Variants in CLPTM1 observed in about 807,000 individuals in gnomAD.
The protein encoded by CLPTM1 is putative lipid scramblase CLPTM1.
A neutral mutation model predicts 77.3 loss-of-function variants in CLPTM1; 21 were observed. The observed-to-expected ratio is 0.27, with a 90% CI of 0.19 to 0.39. The LOEUF (loss-of-function observed/expected upper bound fraction) is 0.39, where lower values mean the gene tolerates loss of function less well. Among genes scored for constraint, CLPTM1 ranks in the 10% least tolerant of loss-of-function variants. The pLI, the probability that CLPTM1 is intolerant of heterozygous loss-of-function variation, is 1.00. For missense variants in CLPTM1, 642 were observed against 921.2 expected (o/e 0.70, Z 3.92); for synonymous variants, 373 against 381.0 (o/e 0.98, Z 0.24).
Position 44,974,610 on chromosome 19 carries a change from C to A in CLPTM1, c.468+13C>A, listed in dbSNP as rs202053969. The A allele has an allele frequency of 1.9e-6, 3 of 1,610,676 alleles. No individual in the cohort carries two copies. Among genetic ancestry groups the A allele is most frequent in the African/African-American group, 2.7e-5 (2 of 74,740 alleles). On this transcript the variant is annotated intron_variant, in intron 4 of 13. Transcript: ENST00000337392. ...CGATATCCCACAGGTGGGGGCAGCT[C>A]TCGGTTTCTGGCCCCATGGCTGCTT...
chr19:44,956,855 A>T (rs1157233954), intron 1 of CLPTM1, among the ~76,000 whole-genome samples: 17 of 152,318 alleles, frequency 1.1e-4, no homozygotes. Context: ...AAATTCTTTA[A>T]TAAATCACAG....
chr19:44,981,858 C>G (rs965879220), intron 5 of CLPTM1, among the ~76,000 whole-genome samples: 14 of 152,114 alleles, frequency 9.2e-5, no homozygotes, highest in Admixed American at 9.2e-4. Context: ...CTGCAGTGAT[C>G]ACACCACTGC....
intron 1 of CLPTM1, among the ~76,000 whole-genome samples, chr19:44,958,124 G>A (rs962285384): frequency 6.6e-6 from 1 of 152,198 alleles, no homozygotes; most frequent in Admixed American, 6.5e-5. Context: ...CTCTGAGGAG[G>A]TGACGCTTGA....
chr19:44,970,911 A>G (rs1970707728), intron 2 of CLPTM1, among the ~76,000 whole-genome samples: 1 of 140,738 alleles, frequency 7.1e-6, no homozygotes, highest in Non-Finnish European at 1.5e-5. Context: ...GTTCACTGCA[A>G]CCTCCTTCTC....
At chr19:44,962,633 T>C (rs145265830) in intron 2 of CLPTM1, among the ~76,000 whole-genome samples, 162 of 152,216 alleles carry the variant, frequency 1.1e-3, no homozygotes, top group African/African-American at 3.7e-3. Context: ...CTTACTTTTT[T>C]ACAGACCCTA....
rs1424034860 is a variant in CLPTM1 at position 44,991,650 on chromosome 19, T to C, written c.1555+277T>C. Among the ~76,000 whole-genome samples, 1 of 152,148 alleles carries C rather than the reference T, an allele frequency of 6.6e-6. No homozygotes were observed. Among genetic ancestry groups the C allele is most frequent in the East Asian group, 1.9e-4 (1 of 5,198 alleles). On this transcript the variant is annotated intron_variant, in intron 12 of 13. Transcript: ENST00000337392. The surrounding 1 kb of genome is among the most constrained non-coding windows in gnomAD (Gnocchi z 5.4). ...CAGGTGCAGTGGCTCACACCTGTTA[T>C]CCCAATGCTTTGGGAGGCTGAGGCA...
At chr19:44,989,602 G>A (rs1356003511) in intron 9 of CLPTM1, among the ~76,000 whole-genome samples, 1 of 152,102 alleles carries the variant, frequency 6.6e-6, no homozygotes, top group Non-Finnish European at 1.5e-5. Context: ...TCTGGGATGG[G>A]GTAGGGTGCA....
At chr19:44,988,236 T>C (rs960157503) in intron 9 of CLPTM1, 63 bp downstream of exon 9, 18 of 1,175,864 alleles carry the variant, frequency 1.5e-5, no homozygotes, top group Non-Finnish European at 2.0e-5. Flanking sequence ...ACCTGCCCCC[T>C]TCCTCCTCCC....
chr19:44,986,408 G>C lies in CLPTM1; in HGVS notation c.673-47G>C, dbSNP rs560994829. On this transcript the variant is annotated intron_variant, in intron 6 of 13. Coordinates refer to ENST00000337392, the MANE Select transcript of CLPTM1 (RefSeq NM_001294.4). ...AAGTGTACAGAGAGTGATAGTCCCCGAGCACTTCCACCTGCCTCTGAGGTC... is the reference window on the plus strand; with the variant it reads ...AAGTGTACAGAGAGTGATAGTCCCCCAGCACTTCCACCTGCCTCTGAGGTC... 3 of 1,602,740 alleles carry C rather than the reference G, an allele frequency of 1.9e-6. 1 individual carries two copies. The Admixed American group carries it at 5.1e-5, about 27-fold the overall frequency.
chr19:44,985,166 T>C, intron 5 of CLPTM1, 52 bp from the exon 6 acceptor site: 1 of 1,362,170 alleles, frequency 7.3e-7, no homozygotes, highest in South Asian at 1.2e-5. Flanking sequence ...CTCTGGAGGC[T>C]GCAGGTGCCA....
At chr19:44,979,034 GC>G (rs1970850800) in intron 5 of CLPTM1, among the ~76,000 whole-genome samples, 1 of 149,144 alleles carries the variant, frequency 6.7e-6, no homozygotes, top group African/African-American at 2.5e-5. Flanking sequence ...AGGCTGGAGT[GC>G]AGTGGACTAT....
chr19:44,987,385 T>C lies in CLPTM1; in HGVS notation c.1000T>C (p.Leu334=), dbSNP rs143527825. 193 of 1,613,920 alleles carry C rather than the reference T, an allele frequency of 1.2e-4. 1 individual carries two copies. The East Asian group carries it at 3.9e-3, about 32-fold the overall frequency. ...GCCCTGGAACTTCCTGGGTGATGAG[T>C]TGTACGAGCAGTCAGATGAGGAGCA... is the stretch of plus-strand genomic sequence containing the variant. ...KSPWNFLGDE[L]YEQSDEEQDS... Residue 334 remains leucine (L), a synonymous_variant, in exon 8 of 14, where the codon TTG becomes CTG. Transcript: ENST00000337392.
At chr19:44,968,931 T>C (rs1248467873) in intron 2 of CLPTM1, among the ~76,000 whole-genome samples, 3 of 152,156 alleles carry the variant, frequency 2.0e-5, no homozygotes, top group Non-Finnish European at 4.4e-5. Flanking sequence ...CCGTGGCCCC[T>C]AAGACCCTGG....
chr19:44,972,021 C>G (rs1342989195), intron 2 of CLPTM1, among the ~76,000 whole-genome samples: 1 of 151,432 alleles, frequency 6.6e-6, no homozygotes, highest in Non-Finnish European at 1.5e-5. Flanking sequence ...GAGGCACGCA[C>G]CACCAGGCCC....
intron 5 of CLPTM1, among the ~76,000 whole-genome samples, chr19:44,980,490 CAG>C (rs1277608696): frequency 1.7e-5 from 2 of 120,352 alleles, no homozygotes; most frequent in African/African-American, 6.6e-5. Context: ...GCCTGGGCGA[CAG>C]AGCAAGACTC....
At chr19:44,955,592 T>C in intron 1 of CLPTM1, 125 bp downstream of exon 1, 1 of 872,620 alleles carries the variant, frequency 1.1e-6, no homozygotes. Context: ...GGACCTTGAA[T>C]ACCCGGCCCA....
At chr19:44,981,052 A>G (rs1472449657) in intron 5 of CLPTM1, among the ~76,000 whole-genome samples, 2 of 152,090 alleles carry the variant, frequency 1.3e-5, no homozygotes, top group Non-Finnish European at 2.9e-5. Context: ...CGTGTTAGCC[A>G]GGATGGTCTT....
intron 1 of CLPTM1, among the ~76,000 whole-genome samples, chr19:44,956,845 A>G (rs1257714067): frequency 6.6e-6 from 1 of 152,226 alleles, no homozygotes; most frequent in African/African-American, 2.4e-5. Context: ...GACAAAGTAC[A>G]AATTCTTTAA....
At position 44,992,851 on chromosome 19, in the gene CLPTM1, C is replaced by T. The variant is rs1400793332; in HGVS notation, c.1964C>T (p.Pro655Leu). 1.2e-6 allele frequency: 2 copies of T among 1,613,690 alleles called. No individual in the cohort carries two copies. The highest frequency in any genetic ancestry group is 1.7e-5 in the Admixed American group (1 of 59,992). The change falls in exon 14 of 14, where the codon CCC (proline) becomes CTC (leucine). Residue 655 changes from proline to leucine, a missense_variant. By Grantham distance (98) the Pro-to-Leu change is moderately conservative (BLOSUM62 -3). Coordinates refer to ENST00000337392, the MANE Select transcript of CLPTM1 (RefSeq NM_001294.4). The surrounding 1 kb of genome is among the most constrained non-coding windows in gnomAD (Gnocchi z 7.7). ...PTQGASSASE[P>L]QEAPPKPAED... The stretch of plus-strand genomic sequence containing the variant: ...CAGGGGGCCAGCTCTGCCAGCGAGC[C>T]CCAGGAAGCCCCTCCAAAGCCAGCA...
Sources: gnomAD v4.1 joint callset for allele counts (sites outside exome capture counted in the v4.1 genomes callset) on GRCh38, gnomAD v4.1.1 for gene constraint, Gnocchi (gnomAD v3.1) non-coding constraint, MANE v1.5 for transcripts, NCBI Gene and HGNC (gene_info 2026-07-23, HGNC 2026-07-21) for gene names.